OGDHL: variants seen among roughly 807,000 people sequenced by gnomAD.
OGDHL encodes the protein oxoglutarate dehydrogenase L, also known as 2-oxoglutarate dehydrogenase-like, mitochondrial.
OGDHL carries 79 observed loss-of-function variants against 109.6 expected under a neutral mutation model. The observed-to-expected ratio is 0.72, with a 90% confidence interval of 0.60 to 0.87. OGDHL has a LOEUF of 0.87. Ranked by LOEUF, OGDHL falls within the 40% of genes least tolerant of loss-of-function variation. The pLI, the probability that OGDHL is intolerant of heterozygous loss-of-function variation, is 0.00. For missense variants in OGDHL, 1,275 were observed against 1,362.2 expected, an observed-to-expected ratio of 0.94 and a Z score of 1.01; for synonymous variants, 528 against 537.2, an observed-to-expected ratio of 0.98 and a Z score of 0.24.
intron 12 of OGDHL, 134 bp from the exon 13 acceptor site, chr10:49,744,886 C>T: frequency 5.6e-6 from 4 of 716,784 alleles, no homozygotes; most frequent in South Asian, 1.8e-5. Context: ...CTATAGGGAC[C>T]TCATGGCTAG....
intron 14 of OGDHL, 56 bp downstream of exon 14, chr10:49,743,938 G>A: frequency 1.3e-6 from 2 of 1,581,592 alleles, no homozygotes; most frequent in Non-Finnish European, 8.6e-7. Flanking sequence ...TCCCTTCGAG[G>A]CACAGTGTTG....
In OGDHL at chr10:49,749,784, C is replaced by A; in HGVS notation, c.929G>T (p.Arg310Leu). 2 of 1,600,738 alleles carry A rather than the reference C, an allele frequency of 1.2e-6. No individual in the cohort carries two copies. Among genetic ancestry groups the A allele is most frequent in the Non-Finnish European group, 1.7e-6 (2 of 1,176,926 alleles). The change falls in exon 8 of 23, where the codon CGC becomes CTC. Residue 310 changes from arginine to leucine, a missense_variant. Arg to Leu is a moderately radical substitution (Grantham distance 102). Transcript: ENST00000374103. ...GCAGAAGATCTGCTCCAGGTCCTTG[C>A]GGATCACGTTGGCCAGCACGTTCAG... is the stretch of plus-strand genomic sequence containing the variant. ...GRLNVLANVI[R>L]KDLEQIFCQF...
chr10:49,742,390 C>CCA (rs1564531746), intron 15 of OGDHL, among the ~76,000 whole-genome samples: 1 of 50,812 alleles, frequency 2.0e-5, no homozygotes, highest in African/African-American at 4.0e-5. Context: ...CACACCACAC[C>CCA]CCCACACACA....
In OGDHL at chr10:49,746,765, G is replaced by A. The variant is rs768852958; in HGVS notation, c.1281C>T (p.Val427=). ...PSYTTNGTVH[V]VVNNQIGFTT... is the part of the protein sequence containing the mutation. ...ACATGCTCACCTGGTTGTTGACGAC[G>A]ACGTGCACGGTACCATTGGTCGTGT... The change falls in exon 10 of 23, where the codon GTC becomes GTT. Residue 427 remains valine (V), a synonymous_variant. Coordinates refer to ENST00000374103, the MANE Select transcript of OGDHL (RefSeq NM_018245.3). 25 of 1,614,154 alleles carry A rather than the reference G, an allele frequency of 1.5e-5. No individual in the cohort carries two copies. The highest frequency in any genetic ancestry group is 1.6e-4 in the Middle Eastern group (1 of 6,062).
In OGDHL at chr10:49,739,491, C is replaced by T. The variant is rs144715663; in HGVS notation, c.2319+170G>A. On this transcript the variant is annotated intron_variant, in intron 17 of 22. Transcript: ENST00000374103. ...CTGCTGCCAGGGGTAGCATCATCGT[C>T]TCAGCAGCTGCAGCATGCACATGTG... The T allele has an allele frequency of 2.5e-5, 18 of 714,374 alleles. No homozygotes were observed. The East Asian group carries it at 5.1e-4, about 20-fold the overall frequency. 44.3% of individuals were successfully genotyped at this position (714,374 alleles called of 1,614,324 possible).
chr10:49,737,748 A>G (rs1564522343), intron 20 of OGDHL, 38 bp downstream of exon 20: 7 of 1,610,528 alleles, frequency 4.3e-6, no homozygotes, highest in Non-Finnish European at 5.9e-6. Context: ...CCACCGCCCC[A>G]TTGTGGGCTA....
chr10:49,752,531 C>T (rs1195331449), intron 4 of OGDHL, 107 bp downstream of exon 4: 3 of 975,618 alleles, frequency 3.1e-6, no homozygotes, highest in East Asian at 2.4e-5. Flanking sequence ...TGGGCTGCTC[C>T]CCGAGCTCCA....
At position 49,752,119 on chromosome 10, in the gene OGDHL, C is replaced by T; in HGVS notation, c.594+14G>A. ...GCTGCTTCAGCTGCACCCCACACACCCGCCTGTGCTCACCTCCAGGCGCCG... is the reference window on the plus strand; with the variant it reads ...GCTGCTTCAGCTGCACCCCACACACTCGCCTGTGCTCACCTCCAGGCGCCG... On this transcript the variant is annotated intron_variant, in intron 5 of 22. Coordinates refer to ENST00000374103, the MANE Select transcript of OGDHL (RefSeq NM_018245.3). The T allele has an allele frequency of 6.2e-7, 1 of 1,611,166 alleles. No individual in the cohort carries two copies. Among genetic ancestry groups the T allele is most frequent in the Non-Finnish European group, 8.5e-7 (1 of 1,177,394 alleles).
chr10:49,738,488 G>C (rs1841389786), intron 17 of OGDHL: 4 of 578,592 alleles, frequency 6.9e-6, no homozygotes. Flanking sequence ...AACTTGCAGG[G>C]ACAGAAGAAA....
At chr10:49,747,827 A>C (rs984686265) in intron 8 of OGDHL, among the ~76,000 whole-genome samples, 4 of 152,234 alleles carry the variant, frequency 2.6e-5, no homozygotes, top group Admixed American at 2.0e-4. Flanking sequence ...TTTACAAATC[A>C]GGAAGATAAA....
rs368029116 is a variant in OGDHL, at chr10:49,746,865, A to C, written c.1181T>G (p.Leu394Arg). Reference protein sequence around the residue: ...DAQGKKVMSILVHGDAAFAGQ... With the variant: ...DAQGKKVMSIRVHGDAAFAGQ... ...AGCAAAGGCGGCGTCCCCATGAACCAGGATGGACATGACCTGCAGGGCAGG... is the reference window on the plus strand; with the variant it reads ...AGCAAAGGCGGCGTCCCCATGAACCCGGATGGACATGACCTGCAGGGCAGG... The change falls in exon 10 of 23, where the codon CTG (leucine) becomes CGG (arginine). Residue 394 changes from leucine to arginine, a missense_variant. Coordinates refer to ENST00000374103, the MANE Select transcript of OGDHL (RefSeq NM_018245.3). 11 of 1,614,180 alleles carry C rather than the reference A, an allele frequency of 6.8e-6. No homozygotes were observed. Among genetic ancestry groups the C allele is most frequent in the Non-Finnish European group, 9.3e-6 (11 of 1,180,010 alleles).
At chr10:49,741,496 G>A (rs1372521636) in intron 15 of OGDHL, among the ~76,000 whole-genome samples, 3 of 152,076 alleles carry the variant, frequency 2.0e-5, no homozygotes, top group Admixed American at 6.5e-5. Context: ...AACCAGGAGC[G>A]GACTGAGGCA....
At chr10:49,760,459 GC>G (rs1269202293) in intron 1 of OGDHL, among the ~76,000 whole-genome samples, 6 of 152,244 alleles carry the variant, frequency 3.9e-5, no homozygotes, top group Non-Finnish European at 8.8e-5. Context: ...GGTCGTGCCA[GC>G]CCAGCTGGCC....
chr10:49,748,760 AC>A (rs1296055823), intron 8 of OGDHL, among the ~76,000 whole-genome samples: 9 of 145,468 alleles, frequency 6.2e-5, no homozygotes, highest in Middle Eastern at 3.5e-3. Flanking sequence ...ACACACACAC[AC>A]ACACACACAC....
At chr10:49,748,785 C>CACAT (rs1052113062) in intron 8 of OGDHL, among the ~76,000 whole-genome samples, 2 of 151,114 alleles carry the variant, frequency 1.3e-5, no homozygotes, top group African/African-American at 2.4e-5. Flanking sequence ...CACACACACA[C>CACAT]GGCAGCAGGC....
rs1842216953 is a variant in OGDHL, at chr10:49,746,797, G to A, written c.1249C>T (p.Pro417Ser). Residue 417 changes from proline (P) to serine (S), a missense_variant, in exon 10 of 23, where the codon CCC (proline) becomes TCC (serine). By Grantham distance (74) the Pro-to-Ser change is moderately conservative. Transcript: ENST00000374103. The part of the protein sequence containing the change: ...VYETFHLSDL[P>S]SYTTNGTVHV... ...ACGGTACCATTGGTCGTGTAGGAGG[G>A]CAGGTCGCTCAGGTGGAAGGTCTCA... The A allele has an allele frequency of 1.2e-6, 2 of 1,614,044 alleles. No homozygotes were observed. Among genetic ancestry groups the A allele is most frequent in the Non-Finnish European group, 1.7e-6 (2 of 1,179,988 alleles).
chr10:49,737,953 G>C lies in OGDHL; in HGVS notation c.2511C>G (p.Arg837=). 1 of 1,612,834 alleles carries C rather than the reference G, an allele frequency of 6.2e-7. No homozygotes were observed. The highest frequency in any genetic ancestry group is 1.1e-5 in the South Asian group (1 of 91,076). Residue 837 remains arginine, a synonymous_variant, in exon 19 of 23, where the codon CGC becomes CGG. Transcript: ENST00000374103. ...VLRRQILLPF[R]KPLIIFTPKS... is the part of the protein sequence containing the mutation. ...CCCTGGGACGGAGACTCACCGGCTT[G>C]CGGAAGGGCAGCAGGATCTGCCGGC...
Position 49,744,062 on chromosome 10 carries a change from T to G in OGDHL, c.1793A>C (p.Glu598Ala), listed in dbSNP as rs1410282446. 7 of 1,614,144 alleles carry G rather than the reference T, an allele frequency of 4.3e-6. No individual in the cohort carries two copies. Among genetic ancestry groups the G allele is most frequent in the Non-Finnish European group, 5.9e-6 (7 of 1,179,994 alleles). Residue 598 changes from glutamate to alanine, a missense_variant, in exon 14 of 23, where the codon GAG becomes GCG. Coordinates refer to ENST00000374103, the MANE Select transcript of OGDHL (RefSeq NM_018245.3). ...ACTGCCGATGTGGGTGAGCATGTCCTCAGGGATCCCCGTGGCTGGGCATGT... is the reference window on the plus strand; with the variant it reads ...ACTGCCGATGTGGGTGAGCATGTCCGCAGGGATCCCCGTGGCTGGGCATGT... ...SMTCPATGIP[E>A]DMLTHIGSVA...
chr10:49,745,590 C>A (rs1564538881), intron 11 of OGDHL, 94 bp from the exon 12 acceptor site: 16 of 1,489,846 alleles, frequency 1.1e-5, no homozygotes, highest in South Asian at 6.1e-5. Context: ...TAGGGCACAC[C>A]CACTGGGAGC....
Sources: allele counts gnomAD v4.1 joint callset (sites outside exome capture counted in the v4.1 genomes callset), GRCh38; gene constraint gnomAD v4.1.1; transcripts MANE v1.5; gene names NCBI Gene and HGNC (gene_info 2026-07-23, HGNC 2026-07-21).